OR2C3: variants seen among roughly 807,000 people sequenced by gnomAD.
The protein encoded by OR2C3 is olfactory receptor 2C3.
For missense variants in OR2C3, 425 were observed against 401.5 expected, an observed-to-expected ratio of 1.06 and a Z score of -0.50; for synonymous variants, 178 against 163.4, an observed-to-expected ratio of 1.09 and a Z score of -0.68.
intron 1 of OR2C3, among the ~76,000 whole-genome samples, chr1:247,535,382 C>T (rs534702770): frequency 6.6e-6 from 1 of 152,250 alleles, no homozygotes; most frequent in Admixed American, 6.5e-5. Context: ...ATGTTTTCAT[C>T]ATGTGAATGT....
rs935551986 is a variant in OR2C3 at position 247,530,465 on chromosome 1, T to C, written c.*1084A>G. ...GTAAGCACACTGGCTTAGAGCTCTC[T>C]GCACCTCCCTTTTCCCCTCCTTCCC... On this transcript the variant is annotated 3_prime_UTR_variant, in exon 3 of 3. Coordinates refer to ENST00000641802, the MANE Select transcript of OR2C3 (RefSeq NM_198074.6). The C allele has an allele frequency of 6.6e-6, 1 of 151,374 alleles. No individual in the cohort carries two copies. Among genetic ancestry groups the C allele is most frequent in the Non-Finnish European group, 1.5e-5 (1 of 67,826 alleles). The allele number at this position is 151,374 out of a possible 1,614,324, so 9.4% of individuals were successfully genotyped here.
Position 247,532,529 on chromosome 1 carries a change from G to A in OR2C3, c.-18C>T. 1 of 1,606,702 alleles carries A rather than the reference G, an allele frequency of 6.2e-7. No individual in the cohort carries two copies. Among genetic ancestry groups the A allele is most frequent in the Non-Finnish European group, 8.5e-7 (1 of 1,175,880 alleles). On this transcript the variant is annotated 5_prime_UTR_variant, in exon 3 of 3. Coordinates refer to ENST00000641802, the MANE Select transcript of OR2C3 (RefSeq NM_198074.6). ...TCCATCATTGTATGCTGGGGGTGGG[G>A]CAAAAGGCCACCTGTGGGAAGAGCA...
chr1:247,530,896 AC>A lies in OR2C3; in HGVS notation c.*652del, dbSNP rs949649178. On this transcript the variant is annotated 3_prime_UTR_variant, in exon 3 of 3. Coordinates refer to ENST00000641802, the MANE Select transcript of OR2C3 (RefSeq NM_198074.6). The stretch of plus-strand genomic sequence containing the variant: ...TGTTTCCTCCCCGCTTACCGCCGCC[AC>A]CCGAAGGCGCTGAGTCCCGGCGGCT... 2.6e-5 allele frequency: 4 copies of A among 151,988 alleles called. No homozygotes were observed. The highest frequency in any genetic ancestry group is 9.7e-5 in the African/African-American group (4 of 41,330). The allele number at this position is 151,988 out of a possible 1,614,324, so 9.4% of individuals were successfully genotyped here. A position where few individuals can be genotyped will look rare whatever the true frequency, so the allele number is the denominator to read the frequency against.
In OR2C3 at chr1:247,525,407, C is replaced by G. The variant is rs1220474104; in HGVS notation, c.*6142G>C. ...AAGTTCTTTTTACCTGTGTGTCTGA[C>G]CAGTCAATCAGCTGTAAGTCTGGGT... On this transcript the variant is annotated 3_prime_UTR_variant, in exon 3 of 3. Transcript: ENST00000641802. 1 of 66,328 alleles carries G rather than the reference C, an allele frequency of 1.5e-5. No homozygotes were observed. The highest frequency in any genetic ancestry group is 3.6e-3 in the East Asian group (1 of 274). The allele number at this position is 66,328 out of a possible 1,614,324, so 4.1% of individuals were successfully genotyped here.
Position 247,532,255 on chromosome 1 carries a change from A to T in OR2C3, c.257T>A (p.Leu86His). Residue 86 changes from leucine (L) to histidine (H), a missense_variant, in exon 3 of 3, where the codon CTC becomes CAC. Transcript: ENST00000641802. ...TSIVPQLLAN[L>H]WGPQKTISYG... is the part of the protein sequence containing the mutation. ...GCTTATGGTTTTCTGTGGTCCCCAG[A>T]GGTTAGCCAGGAGCTGTGGGACAAT... 6.2e-7 allele frequency: 1 copy of T among 1,614,176 alleles called. No individual in the cohort carries two copies. Among genetic ancestry groups the T allele is most frequent in the Non-Finnish European group, 8.5e-7 (1 of 1,180,026 alleles).
chr1:247,534,288 G>A (rs867496620), intron 1 of OR2C3, among the ~76,000 whole-genome samples: 1 of 152,160 alleles, frequency 6.6e-6, no homozygotes, highest in African/African-American at 2.4e-5. Flanking sequence ...CCCAGTGTCT[G>A]ATACACAGTA....
In OR2C3 at chr1:247,528,501, T is replaced by C. The variant is rs893452934; in HGVS notation, c.*3048A>G. On this transcript the variant is annotated 3_prime_UTR_variant, in exon 3 of 3. Transcript: ENST00000641802. ...CATGATCTCACCCATATTTCATGTT[T>C]AGCCAACTGTTAAAGAAGGAAAAAG... 7 of 152,230 alleles carry C rather than the reference T, an allele frequency of 4.6e-5. No homozygotes were observed. Among genetic ancestry groups the C allele is most frequent in the African/African-American group, 1.2e-4 (5 of 41,446 alleles). The allele number at this position is 152,230 out of a possible 1,614,324, so 9.4% of individuals were successfully genotyped here.
rs946049237 is a variant in OR2C3 at position 247,527,298 on chromosome 1, C to A, written c.*4251G>T. 1.0e-5 allele frequency: 3 copies of A among 294,092 alleles called. No homozygotes were observed. Among genetic ancestry groups the A allele is most frequent in the Non-Finnish European group, 2.0e-5 (3 of 149,028 alleles). The allele number at this position is 294,092 out of a possible 1,614,324, so 18.2% of individuals were successfully genotyped here. Reference sequence around the variant, plus strand: ...GGGAGGGTCTGCGTTGTCTGCTATCCCCACATAAACTGATGAGGACCTGCA... The same window carrying A: ...GGGAGGGTCTGCGTTGTCTGCTATCACCACATAAACTGATGAGGACCTGCA... On this transcript the variant is annotated 3_prime_UTR_variant, in exon 3 of 3. Transcript: ENST00000641802. The surrounding 1 kb of genome is among the most constrained non-coding windows in gnomAD (Gnocchi z 4.6).
chr1:247,532,792 A>AATGGTTTC (rs1667045173), intron 2 of OR2C3, among the ~76,000 whole-genome samples: 2 of 152,106 alleles, frequency 1.3e-5, no homozygotes, highest in African/African-American at 4.8e-5. Flanking sequence ...ATTGTTTTCA[A>AATGGTTTC]AAGTAGCCAC....
In OR2C3 at chr1:247,530,512, T is replaced by G. The variant is rs1666880672; in HGVS notation, c.*1037A>C. 2.1e-5 allele frequency: 2 copies of G among 96,246 alleles called. No individual in the cohort carries two copies. Among genetic ancestry groups the G allele is most frequent in the Non-Finnish European group, 4.6e-5 (2 of 43,068 alleles). The allele number at this position is 96,246 out of a possible 1,614,324, so 6.0% of individuals were successfully genotyped here. On this transcript the variant is annotated 3_prime_UTR_variant, in exon 3 of 3. Transcript: ENST00000641802. ...TCCCTGAACCAGTCCACAAACACCA[T>G]GCCATCCCCCCCCCACAAAATAACA... is the stretch of plus-strand genomic sequence containing the variant.
At position 247,528,464 on chromosome 1, in the gene OR2C3, G is replaced by C. The variant is rs1666776546; in HGVS notation, c.*3085C>G. On this transcript the variant is annotated 3_prime_UTR_variant, in exon 3 of 3. Transcript: ENST00000641802. ...TAAGTGAAATAAGCCAAACACAAAG[G>C]GACAAATCCTGCATGATCTCACCCA... The C allele has an allele frequency of 6.6e-6, 1 of 152,076 alleles. No individual in the cohort carries two copies. Among genetic ancestry groups the C allele is most frequent in the Non-Finnish European group, 1.5e-5 (1 of 68,024 alleles). 9.4% of individuals were successfully genotyped at this position (152,076 alleles called of 1,614,324 possible).
At chr1:247,535,960 G>A (rs1351447500) in intron 1 of OR2C3, among the ~76,000 whole-genome samples, 2 of 152,184 alleles carry the variant, frequency 1.3e-5, no homozygotes, top group Non-Finnish European at 2.9e-5. Context: ...AATTTTGTCT[G>A]AGTTAACTAG....
chr1:247,531,604 C>T lies in OR2C3; in HGVS notation c.908G>A (p.Arg303Gln), dbSNP rs141308461. 1.1e-5 allele frequency: 18 copies of T among 1,614,018 alleles called. No individual in the cohort carries two copies. In the Admixed American group the frequency reaches 1.5e-4, roughly 13 times the overall value. ...ACAGCAGTTCTCTAATACCATGTGC[C>T]GGAGGGCGCTCTTCACCTCCGTGTT... ...LRNTEVKSALRHMVLENCCGS... is the reference protein window; with the variant it reads ...LRNTEVKSALQHMVLENCCGS... The change falls in exon 3 of 3, where the codon CGG becomes CAG. Residue 303 changes from arginine to glutamine, a missense_variant. Physicochemically the swap from Arg to Gln is conservative, Grantham distance 43. Transcript: ENST00000641802.
At position 247,524,701 on chromosome 1, in the gene OR2C3, T is replaced by A. The variant is rs1666603817; in HGVS notation, c.*6848A>T. Reference sequence around the variant, plus strand: ...GCATAAAGGCATGATTGATAGTTTATTTAATACATATAACATTTAAAACTT... The same window carrying A: ...GCATAAAGGCATGATTGATAGTTTAATTAATACATATAACATTTAAAACTT... On this transcript the variant is annotated 3_prime_UTR_variant, in exon 3 of 3. Coordinates refer to ENST00000641802, the MANE Select transcript of OR2C3 (RefSeq NM_198074.6). 1 of 152,158 alleles carries A rather than the reference T, an allele frequency of 6.6e-6. No individual in the cohort carries two copies. Among genetic ancestry groups the A allele is most frequent in the South Asian group, 2.1e-4 (1 of 4,832 alleles). 9.4% of individuals were successfully genotyped at this position (152,158 alleles called of 1,614,324 possible). A position where few individuals can be genotyped will look rare whatever the true frequency, so the allele number is the denominator to read the frequency against.
chr1:247,529,077 A>G lies in OR2C3; in HGVS notation c.*2472T>C, dbSNP rs1666800340. 6.6e-6 allele frequency: 1 copy of G among 152,206 alleles called. No homozygotes were observed. Among genetic ancestry groups the G allele is most frequent in the African/African-American group, 2.4e-5 (1 of 41,446 alleles). The allele number at this position is 152,206 out of a possible 1,614,324, so 9.4% of individuals were successfully genotyped here. A position where few individuals can be genotyped will look rare whatever the true frequency, so the allele number is the denominator to read the frequency against. On this transcript the variant is annotated 3_prime_UTR_variant, in exon 3 of 3. Transcript: ENST00000641802. ...TTTCTCTCACCAAGGTTAGCATGTGATTTGGCACTATTTCCAGGCGTCTGG... is the reference window on the plus strand; with the variant it reads ...TTTCTCTCACCAAGGTTAGCATGTGGTTTGGCACTATTTCCAGGCGTCTGG...
At chr1:247,534,178 CTT>C (rs922269600) in intron 1 of OR2C3, among the ~76,000 whole-genome samples, 5 of 152,176 alleles carry the variant, frequency 3.3e-5, no homozygotes, top group African/African-American at 9.7e-5. Context: ...ATAAACTACT[CTT>C]ATTTCTTTTG....
In OR2C3 at chr1:247,528,149, G is replaced by A. The variant is rs1314501646; in HGVS notation, c.*3400C>T. ...CATAATAATGTTATCATGTGTCTCT[G>A]ACTCCTAGAGTACCTGCTGTCTGCT... On this transcript the variant is annotated 3_prime_UTR_variant, in exon 3 of 3. Transcript: ENST00000641802. 1 of 151,868 alleles carries A rather than the reference G, an allele frequency of 6.6e-6. No individual in the cohort carries two copies. Among genetic ancestry groups the A allele is most frequent in the Admixed American group, 6.6e-5 (1 of 15,252 alleles). The allele number at this position is 151,868 out of a possible 1,614,324, so 9.4% of individuals were successfully genotyped here.
chr1:247,528,673 G>C lies in OR2C3; in HGVS notation c.*2876C>G, dbSNP rs908818737. 6.6e-6 allele frequency: 1 copy of C among 152,328 alleles called. No individual in the cohort carries two copies. The highest frequency in any genetic ancestry group is 2.1e-4 in the South Asian group (1 of 4,830). 9.4% of individuals were successfully genotyped at this position (152,328 alleles called of 1,614,324 possible). On this transcript the variant is annotated 3_prime_UTR_variant, in exon 3 of 3. Transcript: ENST00000641802. ...TGGTCAAACTACAGGCAGTTTAGCT[G>C]GTTGTTAATTTTTTATAGAAGGAGA...
At chr1:247,533,085 G>A (rs1667069963) in intron 2 of OR2C3, among the ~76,000 whole-genome samples, 1 of 152,162 alleles carries the variant, frequency 6.6e-6, no homozygotes, top group Admixed American at 6.5e-5. Context: ...TCATCTGCAA[G>A]TTTTTGCTGT....
Sources: gnomAD v4.1 joint callset for allele counts (sites outside exome capture counted in the v4.1 genomes callset) on GRCh38, gnomAD v4.1.1 for gene constraint, Gnocchi (gnomAD v3.1) non-coding constraint, MANE v1.5 for transcripts, NCBI Gene and HGNC (gene_info 2026-07-23, HGNC 2026-07-21) for gene names.